Variants in CTNND2 observed in about 807,000 individuals in gnomAD.
CTNND2 encodes the protein catenin delta-2.
In CTNND2, 22 loss-of-function variants were observed where a neutral mutation model predicts 144.4. The ratio of observed to expected loss-of-function variants is 0.15; its 90% confidence interval spans 0.11 to 0.22. The LOEUF is 0.22. CTNND2 is among the 10% of genes least tolerant of loss of function. CTNND2 has a pLI of 1.00. For synonymous variants in CTNND2, 751 were observed against 695.6 expected (o/e 1.08, Z -1.25); for missense variants, 1,353 against 1,618.8 (o/e 0.84, Z 2.82).
At chr5:11,405,896 C>T (rs568509994) in intron 5 of CTNND2, among the ~76,000 whole-genome samples, 2 of 152,240 alleles carry the variant, frequency 1.3e-5, no homozygotes, top group African/African-American at 4.8e-5. Context: ...ACTTGGACCT[C>T]CCAGCACTTT....
chr5:11,578,037 C>T (rs1778098503), intron 2 of CTNND2, among the ~76,000 whole-genome samples: 1 of 152,110 alleles, frequency 6.6e-6, no homozygotes, highest in African/African-American at 2.4e-5. Flanking sequence ...CAGGTTCTTA[C>T]ACCCAAAAAA....
chr5:11,098,830 A>G, intron 14 of CTNND2, 82 bp from the exon 15 acceptor site: 5 of 1,342,552 alleles, frequency 3.7e-6, no homozygotes, highest in Non-Finnish European at 5.2e-6. Context: ...ATTACAGGCG[A>G]AAACAAAAGC....
At position 11,153,739 on chromosome 5, in the gene CTNND2, T is replaced by C. The variant is rs148070463; in HGVS notation, c.2159+5837A>G. On this transcript the variant is annotated intron_variant, in intron 12 of 21. Transcript: ENST00000304623. The stretch of plus-strand genomic sequence containing the variant: ...AGATAGATGGAAAAAATTAGGGTTG[T>C]ATATTGTTGTCCTTTAGGACAAGAT... Among the ~76,000 whole-genome samples, 54 of 152,304 alleles carry C rather than the reference T, an allele frequency of 3.5e-4. No homozygotes were observed. In the East Asian group the frequency reaches 9.3e-3, roughly 26 times the overall value.
chr5:11,097,404 G>A (rs1327204804), intron 15 of CTNND2, among the ~76,000 whole-genome samples: 2 of 152,186 alleles, frequency 1.3e-5, no homozygotes, highest in East Asian at 1.9e-4. Context: ...TGGGCAGGGT[G>A]TAGAAAAGGG....
At chr5:11,539,385 A>G (rs1774512514) in intron 3 of CTNND2, among the ~76,000 whole-genome samples, 1 of 152,146 alleles carries the variant, frequency 6.6e-6, no homozygotes. Flanking sequence ...GTTCCATCCC[A>G]TAAATCTTTC....
chr5:10,979,166 T>C (rs998382489), intron 21 of CTNND2, among the ~76,000 whole-genome samples: 2 of 152,230 alleles, frequency 1.3e-5, no homozygotes, highest in Admixed American at 1.3e-4. Context: ...TCTGTAATAA[T>C]TGGCAATAAT....
chr5:11,563,983 G>A (rs1776876186), intron 3 of CTNND2, among the ~76,000 whole-genome samples: 1 of 152,204 alleles, frequency 6.6e-6, no homozygotes, highest in Admixed American at 6.5e-5. Context: ...GAGAGGTCAT[G>A]TGACTGAAAT....
rs547029054 is a variant in CTNND2 at position 11,260,582 on chromosome 5, C to T, written c.1629-23759G>A. On this transcript the variant is annotated intron_variant, in intron 9 of 21. Coordinates refer to ENST00000304623, the MANE Select transcript of CTNND2 (RefSeq NM_001332.4). ...GTGAGGGCCTTCTTGCTACCTCATCCCACAGTCGAAGGGGAAAAGGCAAGA... is the reference window on the plus strand; with the variant it reads ...GTGAGGGCCTTCTTGCTACCTCATCTCACAGTCGAAGGGGAAAAGGCAAGA... Among the ~76,000 whole-genome samples the T allele has an allele frequency of 3.2e-4, 49 of 152,192 alleles. 1 individual carries two copies. In the South Asian group the frequency reaches 8.7e-3, roughly 27 times the overall value.
chr5:11,846,183 T>A (rs1794727409), intron 1 of CTNND2, among the ~76,000 whole-genome samples: 1 of 152,208 alleles, frequency 6.6e-6, no homozygotes, highest in Non-Finnish European at 1.5e-5. Context: ...AATTTTGTCA[T>A]TGTTTTATTA....
At chr5:11,496,221 T>A (rs1451656207) in intron 3 of CTNND2, among the ~76,000 whole-genome samples, 1 of 152,180 alleles carries the variant, frequency 6.6e-6, no homozygotes, top group African/African-American at 2.4e-5. Flanking sequence ...GAACAAACAG[T>A]AGAACCCATT....
chr5:11,881,674 T>C (rs1447507912), intron 1 of CTNND2, among the ~76,000 whole-genome samples: 1 of 152,090 alleles, frequency 6.6e-6, no homozygotes, highest in Non-Finnish European at 1.5e-5. Context: ...TCATATATTG[T>C]TTATTGTGAA....
intron 9 of CTNND2, among the ~76,000 whole-genome samples, chr5:11,270,038 C>T (rs1745836253): frequency 6.6e-6 from 1 of 152,274 alleles, no homozygotes; most frequent in Admixed American, 6.5e-5. Flanking sequence ...TTCTTAACTT[C>T]AAATGGGAAA....
chr5:11,321,153 G>A (rs571957142), intron 9 of CTNND2, among the ~76,000 whole-genome samples: 1 of 152,150 alleles, frequency 6.6e-6, no homozygotes, highest in East Asian at 1.9e-4. Flanking sequence ...AAGCAAAAGA[G>A]AATTAAAACA....
chr5:11,833,162 T>C lies in CTNND2; in HGVS notation c.37+70655A>G, dbSNP rs1485156616. Among the ~76,000 whole-genome samples, 5 of 152,272 alleles carry C rather than the reference T, an allele frequency of 3.3e-5. No homozygotes were observed. The East Asian group carries it at 7.7e-4, about 24-fold the overall frequency. ...CATTTACGTGAGAAACAAAAACATGTTTGATATTTTAAGCAAATGTTTGTA... is the reference window on the plus strand; with the variant it reads ...CATTTACGTGAGAAACAAAAACATGCTTGATATTTTAAGCAAATGTTTGTA... On this transcript the variant is annotated intron_variant, in intron 1 of 21. Transcript: ENST00000304623.
chr5:11,406,976 A>G (rs950655018), intron 5 of CTNND2, among the ~76,000 whole-genome samples: 1 of 151,496 alleles, frequency 6.6e-6, no homozygotes, highest in African/African-American at 2.5e-5. Context: ...TATTTAAACA[A>G]ATTAACAATC....
At chr5:11,850,302 T>C (rs775163709) in intron 1 of CTNND2, among the ~76,000 whole-genome samples, 1 of 152,124 alleles carries the variant, frequency 6.6e-6, no homozygotes, top group Non-Finnish European at 1.5e-5. Flanking sequence ...CCTACAATTT[T>C]GTGACAAATT....
At chr5:11,310,871 T>TCCATG (rs1034555233) in intron 9 of CTNND2, among the ~76,000 whole-genome samples, 1 of 136,252 alleles carries the variant, frequency 7.3e-6, no homozygotes, top group African/African-American at 2.8e-5. Context: ...ACACTCACTC[T>TCCATG]CCATGCACCC....
intron 3 of CTNND2, among the ~76,000 whole-genome samples, chr5:11,513,991 C>A (rs540175532): frequency 1.3e-5 from 2 of 151,976 alleles, no homozygotes; most frequent in African/African-American, 2.4e-5. Context: ...CCAGCCTGGG[C>A]AACATAGGGA....
At chr5:11,524,600 G>A (rs1200333670) in intron 3 of CTNND2, among the ~76,000 whole-genome samples, 4 of 152,086 alleles carry the variant, frequency 2.6e-5, no homozygotes, top group East Asian at 3.9e-4. Flanking sequence ...ATTTGAAGAC[G>A]GATGCTAGAG....
Sources: gnomAD v4.1 joint callset for allele counts (sites outside exome capture counted in the v4.1 genomes callset) on GRCh38, gnomAD v4.1.1 for gene constraint, MANE v1.5 for transcripts, NCBI Gene and HGNC (gene_info 2026-07-23, HGNC 2026-07-21) for gene names.